ATP10B: variants seen among roughly 807,000 people sequenced by gnomAD.
The protein encoded by ATP10B is ATPase phospholipid transporting 10B (putative).
Under a neutral mutation model 141.2 loss-of-function variants are expected in ATP10B, and 122 were observed. That is an observed-to-expected ratio of 0.86 (90% CI 0.75 to 1.00). The LOEUF is 1.00. ATP10B is among the 50% of genes least tolerant of loss of function. The pLI is 0.00. For missense variants in ATP10B, 1,876 were observed against 1,825.3 expected, an observed-to-expected ratio of 1.03 and a Z score of -0.51; for synonymous variants, 685 against 692.0, an observed-to-expected ratio of 0.99 and a Z score of 0.16.
chr5:160,778,323 C>G (rs1053572078), intron 2 of ATP10B, among the ~76,000 whole-genome samples: 1 of 152,186 alleles, frequency 6.6e-6, no homozygotes, highest in African/African-American at 2.4e-5. Flanking sequence ...CAGTGGAGAC[C>G]ACAGCTCCAA....
chr5:160,660,778 C>T (rs372063534), intron 7 of ATP10B, among the ~76,000 whole-genome samples: 3 of 152,276 alleles, frequency 2.0e-5, no homozygotes, highest in South Asian at 2.1e-4. Context: ...GCACAAATGC[C>T]AAATCTAACC....
intron 1 of ATP10B, among the ~76,000 whole-genome samples, chr5:160,810,499 T>C (rs1230638782): frequency 6.6e-6 from 1 of 152,156 alleles, no homozygotes. Flanking sequence ...ATGGAAAATT[T>C]TGTAAATTTT....
chr5:160,697,159 A>G (rs1275095341), intron 3 of ATP10B, among the ~76,000 whole-genome samples: 1 of 152,238 alleles, frequency 6.6e-6, no homozygotes, highest in Non-Finnish European at 1.5e-5. Flanking sequence ...AAGTATTATT[A>G]AATTGATGAC....
chr5:160,806,040 G>C (rs780763005), intron 1 of ATP10B, among the ~76,000 whole-genome samples: 2 of 152,140 alleles, frequency 1.3e-5, no homozygotes, highest in Non-Finnish European at 2.9e-5. Context: ...GGCAGAGAGA[G>C]TGAGTTCTCC....
chr5:160,634,452 T>G lies in ATP10B; in HGVS notation c.1283A>C (p.Gln428Pro). ...CCCCGTCTTATCGGAGAAGATGTACTGGATCTGGCCCAAGTCCTCTGCGAT... is the reference window on the plus strand; with the variant it reads ...CCCCGTCTTATCGGAGAAGATGTACGGGATCTGGCCCAAGTCCTCTGCGAT... ...LNIAEDLGQI[Q>P]YIFSDKTGTL... The change falls in exon 12 of 26, where the codon CAG becomes CCG. Residue 428 changes from glutamine (Q) to proline (P), a missense_variant. Coordinates refer to ENST00000327245, the MANE Select transcript of ATP10B (RefSeq NM_025153.3). 6.2e-7 allele frequency: 1 copy of G among 1,614,206 alleles called. No homozygotes were observed. Among genetic ancestry groups the G allele is most frequent in the Non-Finnish European group, 8.5e-7 (1 of 1,180,026 alleles).
At chr5:160,772,528 G>A (rs891684883) in intron 2 of ATP10B, among the ~76,000 whole-genome samples, 1 of 152,110 alleles carries the variant, frequency 6.6e-6, no homozygotes, top group Non-Finnish European at 1.5e-5. Flanking sequence ...GGGATGTGGG[G>A]GCATGAGGAT....
chr5:160,579,854 C>T (rs1017736033), intron 24 of ATP10B, among the ~76,000 whole-genome samples: 3 of 152,046 alleles, frequency 2.0e-5, no homozygotes, highest in Admixed American at 6.6e-5. Context: ...CCAGTGGTTT[C>T]TAGTTCTCCT....
the ATP10B span, among the ~76,000 whole-genome samples, chr5:160,909,506 TTTC>T: frequency 5.3e-5 from 8 of 152,288 alleles, no homozygotes; most frequent in South Asian, 1.5e-3. Context: ...TGCAGAACCA[TTTC>T]TTAAGATGGT....
chr5:160,667,809 C>CTTTT (rs1321907580), intron 7 of ATP10B, among the ~76,000 whole-genome samples: 4 of 152,104 alleles, frequency 2.6e-5, no homozygotes, highest in Non-Finnish European at 4.4e-5. Flanking sequence ...AAAGAAGTCA[C>CTTTT]TGGTTGAACT....
intron 1 of ATP10B, among the ~76,000 whole-genome samples, chr5:160,823,186 A>C (rs1028436276): frequency 6.6e-6 from 1 of 151,810 alleles, no homozygotes; most frequent in Non-Finnish European, 1.5e-5. Context: ...TGGTACATAT[A>C]CACCATGGAA....
chr5:160,595,287 GA>G (rs1430281928), intron 22 of ATP10B, among the ~76,000 whole-genome samples: 1 of 152,058 alleles, frequency 6.6e-6, no homozygotes, highest in African/African-American at 2.4e-5. Context: ...GCTCCTGAAT[GA>G]CTACTGGGTA....
At chr5:160,590,903 T>C (rs1160908474) in intron 23 of ATP10B, among the ~76,000 whole-genome samples, 156 bp downstream of exon 23, 1 of 152,226 alleles carries the variant, frequency 6.6e-6, no homozygotes, top group Non-Finnish European at 1.5e-5. Context: ...GTGTTCTGAC[T>C]TTTCAAACAC....
chr5:160,719,456 A>C (rs1765866576), intron 2 of ATP10B, among the ~76,000 whole-genome samples: 1 of 152,228 alleles, frequency 6.6e-6, no homozygotes, highest in Admixed American at 6.5e-5. Context: ...TAGTTCCTGG[A>C]GGGCAAAGGC....
At chr5:160,895,946 A>G in the ATP10B span, among the ~76,000 whole-genome samples, 1 of 152,208 alleles carries the variant, frequency 6.6e-6, no homozygotes, top group Non-Finnish European at 1.5e-5. Context: ...CTGAATGACT[A>G]CCAGTTAAAT....
intron 1 of ATP10B, among the ~76,000 whole-genome samples, chr5:160,817,072 A>G (rs1468451224): frequency 1.3e-5 from 2 of 152,212 alleles, no homozygotes; most frequent in African/African-American, 2.4e-5. Flanking sequence ...AACTGGAAGC[A>G]TTCCCTTTGA....
intron 1 of ATP10B, among the ~76,000 whole-genome samples, chr5:160,842,368 T>C (rs1350397123): frequency 6.6e-6 from 1 of 152,036 alleles, no homozygotes; most frequent in African/African-American, 2.4e-5. Flanking sequence ...ATGCCTATAT[T>C]AGAAAAGAAG....
the ATP10B span, among the ~76,000 whole-genome samples, chr5:160,876,774 A>G: frequency 2.6e-5 from 4 of 151,360 alleles, no homozygotes. Context: ...CAAATAAACT[A>G]GAAAATCTAG....
At chr5:160,661,655 A>G (rs1350442139) in intron 7 of ATP10B, among the ~76,000 whole-genome samples, 2 of 152,204 alleles carry the variant, frequency 1.3e-5, no homozygotes, top group Admixed American at 6.5e-5. Context: ...TATACTAATA[A>G]TAAGAGCTAT....
intron 21 of ATP10B, 153 bp downstream of exon 21, chr5:160,602,424 C>G: frequency 2.1e-6 from 2 of 943,602 alleles, no homozygotes; most frequent in Non-Finnish European, 3.1e-6. Context: ...CTCAAGGTCA[C>G]AGAGCTATTA....
Sources: allele counts gnomAD v4.1 joint callset (sites outside exome capture counted in the v4.1 genomes callset), GRCh38; gene constraint gnomAD v4.1.1; transcripts MANE v1.5; gene names NCBI Gene and HGNC (gene_info 2026-07-23, HGNC 2026-07-21).